The following OR2L13 variants were observed in gnomAD, a reference collection of about 807,000 sequenced individuals.
The protein encoded by OR2L13 is olfactory receptor 2L13.
In OR2L13, 14 loss-of-function variants were observed where a neutral mutation model predicts 15.3. That is an observed-to-expected ratio of 0.91 (90% CI 0.60 to 1.43). The LOEUF is 1.43. Ranked by LOEUF, OR2L13 falls within the 40% of genes most tolerant of loss-of-function variation. The pLI is 0.00. For synonymous variants in OR2L13, 152 were observed against 142.9 expected (o/e 1.06, Z -0.45); for missense variants, 367 against 387.9 (o/e 0.95, Z 0.45).
chr1:248,080,678 G>C, the OR2L13 span, among the ~76,000 whole-genome samples: 1 of 152,194 alleles, frequency 6.6e-6, no homozygotes, highest in Non-Finnish European at 1.5e-5. Flanking sequence ...GTCTATCACT[G>C]ATGGGCATTT....
the OR2L13 span, among the ~76,000 whole-genome samples, chr1:248,010,490 C>G: frequency 2.0e-5 from 3 of 152,208 alleles, no homozygotes; most frequent in African/African-American, 7.2e-5. Context: ...TGTGAATTTT[C>G]TGTCTCATTG....
upstream of OR2L13, among the ~76,000 whole-genome samples, chr1:248,092,564 A>G (rs1664623205): frequency 6.6e-6 from 1 of 152,188 alleles, no homozygotes; most frequent in Non-Finnish European, 1.5e-5. Context: ...ATACACACTC[A>G]TCAAAGTACA....
At chr1:248,011,798 T>C in the OR2L13 span, among the ~76,000 whole-genome samples, 1 of 152,172 alleles carries the variant, frequency 6.6e-6, no homozygotes, top group Admixed American at 6.6e-5. Context: ...CCATGGGCAA[T>C]TGAACCCTGT....
the OR2L13 span, among the ~76,000 whole-genome samples, chr1:248,085,143 A>G: frequency 1.3e-5 from 2 of 151,972 alleles, no homozygotes; most frequent in Admixed American, 6.6e-5. Flanking sequence ...TATTTTACAT[A>G]CTGTTTAAAG....
the OR2L13 span, chr1:247,990,422 C>A: frequency 6.3e-7 from 1 of 1,584,544 alleles, no homozygotes; most frequent in South Asian, 1.1e-5. Flanking sequence ...TCTTGGACAT[C>A]CATCTCCACA....
the OR2L13 span, chr1:247,990,858 G>A: frequency 3.6e-5 from 55 of 1,547,752 alleles, no homozygotes; most frequent in South Asian, 4.6e-4. Context: ...ATGAGTGCAC[G>A]GTGTTTTTGA....
chr1:248,073,616 T>TA, the OR2L13 span, among the ~76,000 whole-genome samples: 3 of 150,496 alleles, frequency 2.0e-5, no homozygotes, highest in Admixed American at 1.3e-4. Context: ...CCCTAAAACT[T>TA]AAAGTGTAAT....
chr1:247,998,867 A>C, the OR2L13 span, among the ~76,000 whole-genome samples: 2 of 152,104 alleles, frequency 1.3e-5, no homozygotes, highest in Admixed American at 6.5e-5. Flanking sequence ...AAATAATAGA[A>C]ATATCTGCCT....
the OR2L13 span, among the ~76,000 whole-genome samples, chr1:247,944,864 T>G: frequency 6.5e-3 from 984 of 152,256 alleles, 14 homozygotes; most frequent in African/African-American, 0.022. Flanking sequence ...CCTTATGGTT[T>G]CTGATTGTGT....
At chr1:248,005,725 C>G in the OR2L13 span, among the ~76,000 whole-genome samples, 1 of 152,038 alleles carries the variant, frequency 6.6e-6, no homozygotes, top group African/African-American at 2.4e-5. Context: ...GTGTTTTGTA[C>G]AAATCATTCT....
the OR2L13 span, among the ~76,000 whole-genome samples, chr1:248,086,669 G>T: frequency 6.6e-6 from 1 of 151,794 alleles, no homozygotes; most frequent in African/African-American, 2.4e-5. Flanking sequence ...TCATTTAAAG[G>T]CTATATTAAC....
At chr1:248,048,650 C>A in the OR2L13 span, among the ~76,000 whole-genome samples, 2 of 152,156 alleles carry the variant, frequency 1.3e-5, no homozygotes, top group African/African-American at 4.8e-5. Flanking sequence ...TCAGCTTTTG[C>A]AGTGAAACTG....
chr1:248,013,152 GT>G, the OR2L13 span, among the ~76,000 whole-genome samples: 1 of 131,596 alleles, frequency 7.6e-6, no homozygotes, highest in East Asian at 2.7e-4. Context: ...CTACTTACAT[GT>G]TTTAATTAAA....
chr1:248,013,122 A>G, the OR2L13 span, among the ~76,000 whole-genome samples: 2 of 151,660 alleles, frequency 1.3e-5, no homozygotes, highest in Admixed American at 6.6e-5. Flanking sequence ...TAACTCCAAT[A>G]TGTGATATTT....
At chr1:248,076,194 C>G in the OR2L13 span, among the ~76,000 whole-genome samples, 1 of 152,204 alleles carries the variant, frequency 6.6e-6, no homozygotes, top group Non-Finnish European at 1.5e-5. Flanking sequence ...CTATTCTGTT[C>G]CATTGGTCTA....
chr1:247,984,600 G>A, the OR2L13 span, among the ~76,000 whole-genome samples: 2 of 151,966 alleles, frequency 1.3e-5, no homozygotes, highest in Non-Finnish European at 1.5e-5. Context: ...AATTACCAGA[G>A]GTCATAAAAT....
the OR2L13 span, among the ~76,000 whole-genome samples, chr1:248,006,243 ATGTGTGTGTGTGTGTGTGTGTGTGTG>A: frequency 5.0e-5 from 7 of 139,628 alleles, no homozygotes; most frequent in Non-Finnish European, 7.8e-5. Context: ...ATTGCAAGAT[ATGTGTGTGTGTGTGTGTGTGTGTGTG>A]TGTGTGTGTG....
chr1:248,003,700 C>A, the OR2L13 span: 1 of 1,613,106 alleles, frequency 6.2e-7, no homozygotes, highest in East Asian at 2.2e-5. Context: ...CCTGCATGGA[C>A]ACCTGGGTCT....
At chr1:248,013,219 G>T in the OR2L13 span, among the ~76,000 whole-genome samples, 2 of 151,828 alleles carry the variant, frequency 1.3e-5, no homozygotes, top group Non-Finnish European at 2.9e-5. Context: ...AGCTAAATTG[G>T]GAAAGAAATT....
Sources: gnomAD v4.1 joint callset for allele counts (sites outside exome capture counted in the v4.1 genomes callset) on GRCh38, gnomAD v4.1.1 for gene constraint, MANE v1.5 for transcripts, NCBI Gene and HGNC (gene_info 2026-07-23, HGNC 2026-07-21) for gene names.